Variants in NR1I2 observed in about 807,000 individuals in gnomAD.
NR1I2 encodes the protein nuclear receptor subfamily 1 group I member 2, also known as orphan nuclear receptor PAR1.
In NR1I2, 42 loss-of-function variants were observed where a neutral mutation model predicts 43.3. The observed-to-expected ratio is 0.97, with a 90% CI of 0.76 to 1.26. The LOEUF is 1.26. Among genes scored for constraint, NR1I2 ranks in the 50% most tolerant of loss-of-function variants. The pLI, the probability that NR1I2 is intolerant of heterozygous loss-of-function variation, is 0.00. For synonymous variants in NR1I2, 229 were observed against 215.0 expected, an observed-to-expected ratio of 1.06 and a Z score of -0.57; for missense variants, 559 against 566.7, an observed-to-expected ratio of 0.99 and a Z score of 0.14.
At chr3:119,814,858 G>A in intron 5 of NR1I2, 121 bp from the exon 6 acceptor site, 1 of 1,253,996 alleles carries the variant, frequency 8.0e-7, no homozygotes. Context: ...CATCCTCAGG[G>A]AAAGGAGCCA....
At chr3:119,810,391 G>A in intron 3 of NR1I2, 197 bp downstream of exon 3, 1 of 738,952 alleles carries the variant, frequency 1.4e-6, no homozygotes, top group Non-Finnish European at 2.2e-6. Flanking sequence ...GGGAGATGGA[G>A]GGAGTCGGTA....
Position 119,789,502 on chromosome 3 carries a change from G to A in NR1I2, c.-23+7202G>A, listed in dbSNP as rs147179976. Among the ~76,000 whole-genome samples, 291 of 152,252 alleles carry A rather than the reference G, an allele frequency of 1.9e-3. 3 individuals are homozygous for A. The highest frequency in any genetic ancestry group is 6.8e-3 in the Middle Eastern group (2 of 294). On this transcript the variant is annotated intron_variant, in intron 1 of 8. Transcript: ENST00000393716. Reference sequence around the variant, plus strand: ...TCAGATCTCATGAGACTTATTCACTGCCATGAGAACAGTATTGGGGGAACC... The same window carrying A: ...TCAGATCTCATGAGACTTATTCACTACCATGAGAACAGTATTGGGGGAACC...
intron 1 of NR1I2, among the ~76,000 whole-genome samples, chr3:119,794,280 C>A (rs1461576814): frequency 6.6e-6 from 1 of 151,930 alleles, no homozygotes; most frequent in Non-Finnish European, 1.5e-5. Context: ...GCAGCCTCGA[C>A]CTCCTGGGCT....
chr3:119,817,885 C>T lies in NR1I2; in HGVS notation c.*673C>T, dbSNP rs1166795280. ...TTATTAAGCACCGATAATAGGTAGC[C>T]TGCTGTGGGGTATACAGCATTGACT... On this transcript the variant is annotated 3_prime_UTR_variant, in exon 9 of 9. Transcript: ENST00000393716. The T allele has an allele frequency of 4.1e-6, 4 of 984,606 alleles. No individual in the cohort carries two copies. The highest frequency in any genetic ancestry group is 4.8e-6 in the Non-Finnish European group (4 of 828,114). The allele number at this position is 984,606 out of a possible 1,614,324, so 61.0% of individuals were successfully genotyped here.
At chr3:119,816,175 C>T (rs1022461456) in intron 8 of NR1I2, among the ~76,000 whole-genome samples, 1 of 152,150 alleles carries the variant, frequency 6.6e-6, no homozygotes, top group African/African-American at 2.4e-5. Context: ...ATAGTGTGAA[C>T]CTATAAACTG....
At chr3:119,782,625 C>A in intron 1 of NR1I2, 3 of 683,110 alleles carry the variant, frequency 4.4e-6, no homozygotes, top group Non-Finnish European at 8.0e-6. Flanking sequence ...GGGCTGGAGT[C>A]CCTGGACCCA....
chr3:119,814,522 G>A (rs540448678), intron 5 of NR1I2, among the ~76,000 whole-genome samples: 2 of 152,326 alleles, frequency 1.3e-5, no homozygotes, highest in Admixed American at 1.3e-4. Flanking sequence ...CTGGAAAGGG[G>A]AGACTGCACT....
At chr3:119,787,752 TTTAA>T (rs769416421) in intron 1 of NR1I2, among the ~76,000 whole-genome samples, 33 of 151,486 alleles carry the variant, frequency 2.2e-4, no homozygotes, top group Non-Finnish European at 4.1e-4. Context: ...TATATATATA[TTTAA>T]TTATGCGTGT....
chr3:119,812,904 G>T lies in NR1I2; in HGVS notation c.738G>T (p.Met246Ile). ...CCCTGCTGCCCCACATGGCTGACAT[G>T]TCAACCTACATGTTCAAAGGCATCA... The change falls in exon 5 of 9, where the codon ATG becomes ATT. Residue 246 changes from methionine (M) to isoleucine (I), a missense_variant. Around this residue, in one of 3 missense-constraint regions of NR1I2, gnomAD observed 323 missense variants for 312.2 expected, o/e 1.03. Transcript: ENST00000393716. The T allele has an allele frequency of 6.2e-7, 1 of 1,614,124 alleles. No homozygotes were observed.
intron 1 of NR1I2, among the ~76,000 whole-genome samples, chr3:119,785,013 C>CTA (rs1257579117): frequency 6.6e-6 from 1 of 152,208 alleles, no homozygotes; most frequent in Non-Finnish European, 1.5e-5. Context: ...AACATATCAT[C>CTA]TATATATAGT....
intron 2 of NR1I2, among the ~76,000 whole-genome samples, chr3:119,807,760 G>A (rs574243547): frequency 1.1e-4 from 16 of 152,332 alleles, no homozygotes; most frequent in African/African-American, 2.9e-4. Context: ...GTTCACATCC[G>A]CCTTCTGGGG....
intron 1 of NR1I2, among the ~76,000 whole-genome samples, chr3:119,795,164 A>G (rs542345681): frequency 7.2e-5 from 11 of 152,284 alleles, no homozygotes; most frequent in African/African-American, 2.6e-4. Context: ...GGGCAAGTGC[A>G]GAAGTGGAGA....
At chr3:119,788,589 C>CT (rs2054876384) in intron 1 of NR1I2, among the ~76,000 whole-genome samples, 1 of 152,066 alleles carries the variant, frequency 6.6e-6, no homozygotes, top group Non-Finnish European at 1.5e-5. Context: ...AGGCACATGT[C>CT]ACCACACTTG....
chr3:119,809,977 G>A, intron 2 of NR1I2, 84 bp from the exon 3 acceptor site: 2 of 1,569,968 alleles, frequency 1.3e-6, no homozygotes, highest in South Asian at 2.2e-5. Flanking sequence ...TAGGGGCTGG[G>A]GAGGGAGGTG....
At position 119,807,302 on chromosome 3, in the gene NR1I2, G is replaced by A. The variant is rs59371185; in HGVS notation, c.52G>A (p.Glu18Lys). 1,242 of 1,614,242 alleles carry A rather than the reference G, an allele frequency of 7.7e-4. 9 individuals are homozygous for A. In the African/African-American group the frequency reaches 0.015, roughly 20 times the overall value. Residue 18 changes from glutamate (E) to lysine (K), a missense_variant, in exon 2 of 9, where the codon GAG becomes AAG. Physicochemically the swap from Glu to Lys is moderately conservative, Grantham distance 56. Coordinates refer to ENST00000393716, the MANE Select transcript of NR1I2 (RefSeq NM_003889.4). ...GAACCATGCTGACTTTGTACACTGTGAGGACACAGAGTCTGTTCCTGGAAA... is the reference window on the plus strand; with the variant it reads ...GAACCATGCTGACTTTGTACACTGTAAGGACACAGAGTCTGTTCCTGGAAA...
At chr3:119,803,945 A>G (rs1231058495) in intron 1 of NR1I2, among the ~76,000 whole-genome samples, 1 of 151,908 alleles carries the variant, frequency 6.6e-6, no homozygotes, top group African/African-American at 2.4e-5. Flanking sequence ...TTTGGTAGAG[A>G]TGGGGTTTCT....
At chr3:119,802,404 A>G (rs1041896722) in intron 1 of NR1I2, among the ~76,000 whole-genome samples, 3 of 152,200 alleles carry the variant, frequency 2.0e-5, no homozygotes, top group Non-Finnish European at 4.4e-5. Context: ...TTCTTGGTCC[A>G]TGTCACCTGT....
Position 119,817,698 on chromosome 3 carries a change from TGCTTTGTGGG to T in NR1I2, c.*487_*496del. ...CACTCGTTCCCCTCCTCTTCCGAGC[TGCTTTGTGGG>T]CTCCAGGCCTGTACTCATCGGCAGG... On this transcript the variant is annotated 3_prime_UTR_variant, in exon 9 of 9. Transcript: ENST00000393716. 1 of 1,109,756 alleles carries T rather than the reference TGCTTTGTGGG, an allele frequency of 9.0e-7. No homozygotes were observed. Among genetic ancestry groups the T allele is most frequent in the South Asian group, 2.4e-5 (1 of 41,044 alleles). The allele number at this position is 1,109,756 out of a possible 1,614,324, so 68.7% of individuals were successfully genotyped here. A position where few individuals can be genotyped will look rare whatever the true frequency, so the allele number is the denominator to read the frequency against.
At chr3:119,789,693 T>C (rs2054890923) in intron 1 of NR1I2, among the ~76,000 whole-genome samples, 1 of 152,158 alleles carries the variant, frequency 6.6e-6, no homozygotes, top group Admixed American at 6.5e-5. Flanking sequence ...TCCTCACAAC[T>C]TCTGTTTCCT....
Sources: gnomAD v4.1 joint callset for allele counts (sites outside exome capture counted in the v4.1 genomes callset) on GRCh38, gnomAD v4.1.1 for gene constraint, gnomAD v4.1.1 regional missense constraint, MANE v1.5 for transcripts, NCBI Gene and HGNC (gene_info 2026-07-23, HGNC 2026-07-21) for gene names.